The following VPS28 variants were observed in gnomAD, a reference collection of about 807,000 sequenced individuals.
VPS28 encodes the protein VPS28 subunit of ESCRT-I.
In VPS28, 29 loss-of-function variants were observed where a neutral mutation model predicts 33.7. The ratio of observed to expected loss-of-function variants is 0.86; its 90% confidence interval spans 0.64 to 1.17. VPS28 has a LOEUF of 1.17. Among genes scored for constraint, VPS28 ranks in the 50% most tolerant of loss-of-function variants. The probability of loss-of-function intolerance (pLI) is 0.00; values close to 1 mark genes in which losing one functional copy is unlikely to be tolerated. For missense variants in VPS28, 247 were observed against 312.2 expected (o/e 0.79, Z 1.57); for synonymous variants, 164 against 116.7 (o/e 1.40, Z -2.61).
chr8:144,426,252 A>G, intron 2 of VPS28, 44 bp from the exon 3 acceptor site: 1 of 1,553,156 alleles, frequency 6.4e-7, no homozygotes, highest in Non-Finnish European at 8.7e-7. Context: ...CCCAAAGGGA[A>G]CCCAAGGGCA....
chr8:144,425,648 G>A (rs1822678421), intron 5 of VPS28, 35 bp downstream of exon 5: 3 of 1,610,526 alleles, frequency 1.9e-6, no homozygotes, highest in East Asian at 4.5e-5. Context: ...AGCCCCCCAG[G>A]GCAGGAACAG....
chr8:144,426,841 A>G, intron 2 of VPS28, 68 bp downstream of exon 2: 1 of 1,583,200 alleles, frequency 6.3e-7, no homozygotes, highest in South Asian at 1.1e-5. Flanking sequence ...CCGATCCCCA[A>G]TACCCAATAC....
At chr8:144,424,695 G>T in intron 7 of VPS28, 23 bp downstream of exon 7, 1 of 1,607,436 alleles carries the variant, frequency 6.2e-7, no homozygotes, top group Non-Finnish European at 8.5e-7. Context: ...TCCTAACCAC[G>T]TGCCCTGGGG....
In VPS28 at chr8:144,424,988, G is replaced by C; in HGVS notation, c.258C>G (p.Gly86=). The C allele has an allele frequency of 6.4e-7, 1 of 1,559,712 alleles. No homozygotes were observed. Among genetic ancestry groups the C allele is most frequent in the Non-Finnish European group, 8.7e-7 (1 of 1,150,928 alleles). The change falls in exon 6 of 10, where the codon GGC becomes GGG. Residue 86 remains glycine (G), a synonymous_variant. Transcript: ENST00000292510. ...QYKAAFRQVQ[G]SEISSIDEFC... is the part of the protein sequence containing the mutation. ...ATTCGTCAATAGAGCTGATTTCTGA[G>C]CCCTGGACCTGCCTGAAGGCAGCTT... is the stretch of plus-strand genomic sequence containing the variant.
chr8:144,426,409 C>G lies in VPS28; in HGVS notation c.38-201G>C, dbSNP rs1366482588. The G allele has an allele frequency of 4.6e-6, 3 of 658,384 alleles. No individual in the cohort carries two copies. The African/African-American group carries it at 5.7e-5, about 12-fold the overall frequency. The allele number at this position is 658,384 out of a possible 1,614,324, so 40.8% of individuals were successfully genotyped here. A position where few individuals can be genotyped will look rare whatever the true frequency, so the allele number is the denominator to read the frequency against. ...CCTGATGATAACACCTCTGAGAAGC[C>G]GGGGGCCGCATGACAGGCCCAGCTC... On this transcript the variant is annotated intron_variant, in intron 2 of 9. Transcript: ENST00000292510.
In VPS28 at chr8:144,425,785, C is replaced by CG. The variant is rs1554876568; in HGVS notation, c.105-14_105-13insC. The CG allele has an allele frequency of 6.2e-6, 10 of 1,613,712 alleles. No individual in the cohort carries two copies. Among genetic ancestry groups the CG allele is most frequent in the Non-Finnish European group, 8.5e-6 (10 of 1,179,872 alleles). On this transcript the variant is annotated splice_polypyrimidine_tract_variant and intron_variant, in intron 4 of 9. Transcript: ENST00000292510. ...CATGTTGTCGTACCTGAGGACACAC[C>CG]TGTCTATCGGGCCAGGCCCCGGGGT...
At chr8:144,425,836 C>A in intron 4 of VPS28, 64 bp from the exon 5 acceptor site, 2 of 1,603,426 alleles carry the variant, frequency 1.2e-6, no homozygotes, top group Non-Finnish European at 1.7e-6. Context: ...CAGAGTGCTA[C>A]CCCCTGCCCG....
chr8:144,424,923 G>C, intron 6 of VPS28, 23 bp downstream of exon 6: 3 of 1,602,120 alleles, frequency 1.9e-6, no homozygotes, highest in Non-Finnish European at 1.7e-6. Flanking sequence ...CGCCCCATGG[G>C]GGTGGAAGGA....
chr8:144,424,452 T>G, intron 7 of VPS28, 184 bp from the exon 8 acceptor site: 1 of 873,162 alleles, frequency 1.1e-6, no homozygotes. Context: ...GTGTGGGAAC[T>G]GAAGGGTGGG....
chr8:144,425,938 CCTCA>C, intron 4 of VPS28, 84 bp downstream of exon 4: 1 of 1,473,754 alleles, frequency 6.8e-7, no homozygotes, highest in South Asian at 1.4e-5. Context: ...TCCTCCCACC[CCTCA>C]GTTTGGGGTG....
rs990481866 is a variant in VPS28, at chr8:144,428,498, T to A, written c.-44A>T. On this transcript the variant is annotated 5_prime_UTR_variant, in exon 1 of 10. Transcript: ENST00000292510. Reference sequence around the variant, plus strand: ...GCCGGGCCCCGGGTACCTGGACGGCTCGCGGTCGGGAAGATGGCGCCGGGG... The same window carrying A: ...GCCGGGCCCCGGGTACCTGGACGGCACGCGGTCGGGAAGATGGCGCCGGGG... The A allele has an allele frequency of 6.6e-6, 1 of 152,070 alleles. No individual in the cohort carries two copies. Among genetic ancestry groups the A allele is most frequent in the Non-Finnish European group, 1.5e-5 (1 of 68,020 alleles). 9.4% of individuals were successfully genotyped at this position (152,070 alleles called of 1,614,324 possible).
intron 7 of VPS28, 112 bp downstream of exon 7, chr8:144,424,606 C>T (rs1012764531): frequency 1.6e-6 from 2 of 1,234,976 alleles, no homozygotes; most frequent in Admixed American, 3.8e-5. Flanking sequence ...CCCTTCTGCC[C>T]AGCAAGTCAG....
At chr8:144,425,614 C>A in intron 5 of VPS28, 69 bp downstream of exon 5, 1 of 1,545,034 alleles carries the variant, frequency 6.5e-7, no homozygotes, top group Non-Finnish European at 8.9e-7. Flanking sequence ...CAGACGCCTG[C>A]TCTTGCTGCC....
At chr8:144,426,454 C>G (rs901387640) in intron 2 of VPS28, 2 of 507,898 alleles carry the variant, frequency 3.9e-6, no homozygotes, top group Non-Finnish European at 6.9e-6. Flanking sequence ...ACTGCGGCTC[C>G]CCGGGGGACC....
chr8:144,424,008 G>T, intron 9 of VPS28, 33 bp downstream of exon 9: 1 of 1,602,586 alleles, frequency 6.2e-7, no homozygotes. Context: ...CTCGGGCACT[G>T]CGGGGCTCTG....
In VPS28 at chr8:144,423,661, A is replaced by G. The variant is rs1356022570; in HGVS notation, c.*144T>C. 3.6e-6 allele frequency: 4 copies of G among 1,124,592 alleles called. No homozygotes were observed. The highest frequency in any genetic ancestry group is 5.1e-6 in the Non-Finnish European group (4 of 783,440). The allele number at this position is 1,124,592 out of a possible 1,614,324, so 69.7% of individuals were successfully genotyped here. A position where few individuals can be genotyped will look rare whatever the true frequency, so the allele number is the denominator to read the frequency against. On this transcript the variant is annotated 3_prime_UTR_variant, in exon 10 of 10. Coordinates refer to ENST00000292510, the MANE Select transcript of VPS28 (RefSeq NM_016208.4). ...TATTGTGGGGAGGGGCCCGGCCCCC[A>G]AAGTTCTGACACCAAAGACAGACAC...
chr8:144,423,667 C>A lies in VPS28; in HGVS notation c.*138G>T. On this transcript the variant is annotated 3_prime_UTR_variant, in exon 10 of 10. Coordinates refer to ENST00000292510, the MANE Select transcript of VPS28 (RefSeq NM_016208.4). ...GGGGAGGGGCCCGGCCCCCAAAGTTCTGACACCAAAGACAGACACCAGACA... is the reference window on the plus strand; with the variant it reads ...GGGGAGGGGCCCGGCCCCCAAAGTTATGACACCAAAGACAGACACCAGACA... The A allele has an allele frequency of 1.7e-6, 2 of 1,181,050 alleles. No individual in the cohort carries two copies. The highest frequency in any genetic ancestry group is 2.4e-6 in the Non-Finnish European group (2 of 831,218). 73.2% of individuals were successfully genotyped at this position (1,181,050 alleles called of 1,614,324 possible). A position where few individuals can be genotyped will look rare whatever the true frequency, so the allele number is the denominator to read the frequency against.
chr8:144,425,525 AG>A (rs1268503156), intron 5 of VPS28, 157 bp downstream of exon 5: 223 of 717,332 alleles, frequency 3.1e-4, no homozygotes, highest in Non-Finnish European at 4.3e-4. Flanking sequence ...ACCAGCCCCC[AG>A]GACTTCCCTG....
chr8:144,428,175 G>C (rs1451381904), intron 1 of VPS28, among the ~76,000 whole-genome samples: 14 of 152,234 alleles, frequency 9.2e-5, no homozygotes, highest in Admixed American at 9.2e-4. Context: ...GCGGGGTGGG[G>C]ACCGAGGCTG....
Sources: allele counts gnomAD v4.1 joint callset (sites outside exome capture counted in the v4.1 genomes callset), GRCh38; gene constraint gnomAD v4.1.1; transcripts MANE v1.5; gene names NCBI Gene and HGNC (gene_info 2026-07-23, HGNC 2026-07-21).